Variants in SAMMSON observed in about 807,000 individuals in gnomAD.
The protein encoded by SAMMSON is long intergenic non-protein coding RNA 1212.
intron 4 of SAMMSON, among the ~76,000 whole-genome samples, chr3:70,161,562 T>G (rs2067615322): frequency 6.6e-6 from 1 of 151,996 alleles, no homozygotes; most frequent in African/African-American, 2.4e-5. Context: ...TGAATTTGGT[T>G]TGCTAACATT....
rs145754453 is a variant in SAMMSON at position 70,222,416 on chromosome 3, C to G, written n.508-26691C>G. 4.3e-3 allele frequency among the ~76,000 whole-genome samples: 649 copies of G among 152,226 alleles called. 6 individuals carry two copies. Among genetic ancestry groups the G allele is most frequent in the Non-Finnish European group, 7.4e-3 (501 of 68,006 alleles). On this transcript the variant is annotated intron_variant and non_coding_transcript_variant, in intron 4 of 9. Transcript: ENST00000642114. The stretch of plus-strand genomic sequence containing the variant: ...TTATAGAAAACTATACATTTTAAAT[C>G]TATTTTAATAATTGGTATTTATGGA...
intron 4 of SAMMSON, among the ~76,000 whole-genome samples, chr3:70,231,923 T>TAC (rs1373966493): frequency 2.6e-5 from 4 of 152,312 alleles, no homozygotes; most frequent in African/African-American, 9.6e-5. Flanking sequence ...GAGCTGATGC[T>TAC]ACACCAAATA....
intron 9 of SAMMSON, among the ~76,000 whole-genome samples, chr3:70,366,680 G>T (rs9681834): frequency 0.58 from 87,428 of 150,734 alleles, 25,562 homozygotes; most frequent in African/African-American, 0.62. Context: ...ACATAACTTT[G>T]CAAATCAATT....
intron 3 of SAMMSON, chr3:70,068,655 G>A (rs2067218944): frequency 6.6e-6 from 1 of 152,056 alleles, no homozygotes; most frequent in Non-Finnish European, 1.5e-5. Flanking sequence ...AAGAGAGAGC[G>A]AGGGATGAAA....
At chr3:70,133,102 A>C (rs562377835) in intron 4 of SAMMSON, among the ~76,000 whole-genome samples, 3 of 152,228 alleles carry the variant, frequency 2.0e-5, no homozygotes, top group Admixed American at 2.0e-4. Context: ...GAATCTCTGA[A>C]GTGATATATC....
In SAMMSON at chr3:70,111,490, C is replaced by T. The variant is rs569655504; in HGVS notation, n.507+39925C>T. On this transcript the variant is annotated intron_variant and non_coding_transcript_variant, in intron 4 of 9. Coordinates refer to ENST00000642114, the Ensembl canonical transcript of SAMMSON. ...AAAAAACTGTAAAACAGAATTGTTT[C>T]CATAATTCATAATGCATAGGACTCC... Among the ~76,000 whole-genome samples the T allele has an allele frequency of 2.6e-5, 4 of 152,190 alleles. No homozygotes were observed. In the South Asian group the frequency reaches 8.3e-4, roughly 32 times the overall value.
In SAMMSON at chr3:70,009,044, T is replaced by C. The variant is rs146299904; in HGVS notation, n.23-3313T>C. The C allele has an allele frequency of 2.0e-5, 3 of 152,358 alleles. No homozygotes were observed. In the East Asian group the frequency reaches 5.8e-4, roughly 29 times the overall value. The allele number at this position is 152,358 out of a possible 1,614,324, so 9.4% of individuals were successfully genotyped here. On this transcript the variant is annotated intron_variant and non_coding_transcript_variant, in intron 1 of 9. Coordinates refer to ENST00000642114, the Ensembl canonical transcript of SAMMSON. ...TGTGCTGCTGGATTTGGTTTGCCAGTATTTTATTGAGGATTTTTGCATCCA... is the reference window on the plus strand; with the variant it reads ...TGTGCTGCTGGATTTGGTTTGCCAGCATTTTATTGAGGATTTTTGCATCCA...
chr3:70,252,082 C>A (rs1405368279), intron 6 of SAMMSON, among the ~76,000 whole-genome samples: 1 of 152,166 alleles, frequency 6.6e-6, no homozygotes, highest in East Asian at 1.9e-4. Flanking sequence ...TCTTTCAATT[C>A]TAAGCTAGCT....
intron 7 of SAMMSON, among the ~76,000 whole-genome samples, chr3:70,313,803 G>A (rs1702475722): frequency 2.0e-5 from 3 of 151,980 alleles, no homozygotes; most frequent in Admixed American, 2.0e-4. Flanking sequence ...TACTAAAATA[G>A]TTTTGTTTCT....
chr3:70,228,631 CTTTT>C (rs199862446), intron 4 of SAMMSON, among the ~76,000 whole-genome samples: 1 of 126,962 alleles, frequency 7.9e-6, no homozygotes, highest in Admixed American at 7.7e-5. Flanking sequence ...AGTTTTCTTA[CTTTT>C]TTTTTTTTTT....
At chr3:70,363,632 G>T (rs1223139686) in intron 9 of SAMMSON, among the ~76,000 whole-genome samples, 1 of 151,990 alleles carries the variant, frequency 6.6e-6, no homozygotes, top group Non-Finnish European at 1.5e-5. Context: ...AACATGTTAA[G>T]GTTTTAGTAC....
At chr3:70,207,697 C>T (rs1029056123) in intron 4 of SAMMSON, among the ~76,000 whole-genome samples, 8 of 151,990 alleles carry the variant, frequency 5.3e-5, no homozygotes, top group Non-Finnish European at 1.2e-4. Context: ...ATAACAACCA[C>T]TTACATAGCA....
chr3:70,220,983 G>A (rs140355649), intron 4 of SAMMSON, among the ~76,000 whole-genome samples: 1 of 152,158 alleles, frequency 6.6e-6, no homozygotes, highest in African/African-American at 2.4e-5. Flanking sequence ...GGTAGGTAAT[G>A]ACATGTTTTA....
At chr3:70,414,164 G>A (rs146409556) in intron 2 of SAMMSON, among the ~76,000 whole-genome samples, 59 of 152,066 alleles carry the variant, frequency 3.9e-4, no homozygotes, top group African/African-American at 1.4e-3. Context: ...CTTGTGTGAG[G>A]CACAAATTTT....
chr3:70,380,949 G>C (rs1340457803), intron 9 of SAMMSON, among the ~76,000 whole-genome samples: 3 of 152,120 alleles, frequency 2.0e-5, no homozygotes, highest in Admixed American at 6.6e-5. Flanking sequence ...ATCATTGATG[G>C]ACATTTGGGT....
chr3:70,395,320 T>C (rs1340018204), intron 2 of SAMMSON, among the ~76,000 whole-genome samples: 1 of 131,728 alleles, frequency 7.6e-6, no homozygotes, highest in Non-Finnish European at 1.6e-5. Context: ...CCTCTCCTTC[T>C]CTCTCTCTCT....
At chr3:70,210,940 T>C (rs780489428) in intron 4 of SAMMSON, among the ~76,000 whole-genome samples, 4 of 152,114 alleles carry the variant, frequency 2.6e-5, no homozygotes, top group Non-Finnish European at 5.9e-5. Context: ...ATTTATTGAG[T>C]ACCCACATGC....
intron 6 of SAMMSON, among the ~76,000 whole-genome samples, chr3:70,273,434 A>G (rs1199195110): frequency 1.3e-5 from 2 of 152,214 alleles, no homozygotes; most frequent in Non-Finnish European, 2.9e-5. Flanking sequence ...GTTTCTCTCC[A>G]GGAGTATTTT....
chr3:70,168,615 G>A (rs1425913468), intron 4 of SAMMSON, among the ~76,000 whole-genome samples: 1 of 151,946 alleles, frequency 6.6e-6, no homozygotes, highest in African/African-American at 2.4e-5. Flanking sequence ...AGATAAGAAT[G>A]CTGTTAGGCA....
Sources: gnomAD v4.1 joint callset for allele counts (sites outside exome capture counted in the v4.1 genomes callset) on GRCh38, gnomAD v4.1.1 for gene constraint, MANE v1.5 for transcripts, NCBI Gene and HGNC (gene_info 2026-07-23, HGNC 2026-07-21) for gene names.